CSMD2: variants seen among roughly 807,000 people sequenced by gnomAD.
CSMD2 encodes CUB and Sushi multiple domains 2.
CSMD2 carries 130 observed loss-of-function variants against 398.5 expected under a neutral mutation model. The ratio of observed to expected loss-of-function variants is 0.33; its 90% CI spans 0.28 to 0.38. The LOEUF is 0.38. CSMD2 is among the 10% of genes least tolerant of loss of function. CSMD2 has a pLI of 1.00. For missense variants in CSMD2, 3,829 were observed against 4,764.9 expected (o/e 0.80, Z 5.78); for synonymous variants, 1,828 against 1,908.5 (o/e 0.96, Z 1.10).
chr1:33,959,354 A>T (rs1023085595), intron 3 of CSMD2, among the ~76,000 whole-genome samples: 28 of 152,176 alleles, frequency 1.8e-4, no homozygotes, highest in Admixed American at 5.2e-4. Flanking sequence ...CCAGACACAC[A>T]CAGATATTTA....
intron 7 of CSMD2, among the ~76,000 whole-genome samples, chr1:33,823,615 T>C (rs1267812348): frequency 6.6e-6 from 1 of 151,356 alleles, no homozygotes; most frequent in Admixed American, 6.6e-5. Context: ...TCAGAACTGA[T>C]GGCAAGGTAG....
At chr1:34,037,831 T>A (rs1335742233) in intron 2 of CSMD2, among the ~76,000 whole-genome samples, 1 of 152,240 alleles carries the variant, frequency 6.6e-6, no homozygotes, top group Non-Finnish European at 1.5e-5. Flanking sequence ...TGCACTGCCA[T>A]TAAAGATTCC....
chr1:33,986,309 G>C (rs565518829), intron 3 of CSMD2, among the ~76,000 whole-genome samples: 1 of 152,300 alleles, frequency 6.6e-6, no homozygotes, highest in Non-Finnish European at 1.5e-5. Context: ...GCTGCTGAAA[G>C]CTTGCCTTCT....
At chr1:34,135,484 G>A (rs1283229944) in intron 1 of CSMD2, among the ~76,000 whole-genome samples, 1 of 151,942 alleles carries the variant, frequency 6.6e-6, no homozygotes, top group East Asian at 1.9e-4. Context: ...CTGGTGTGGT[G>A]GCACTTGCCT....
chr1:33,604,413 G>A (rs771272197), intron 42 of CSMD2, among the ~76,000 whole-genome samples: 8 of 152,198 alleles, frequency 5.3e-5, no homozygotes, highest in Non-Finnish European at 8.8e-5. Flanking sequence ...TAAACTGAGA[G>A]TTTGAGTCTG....
chr1:33,557,770 C>G lies in CSMD2; in HGVS notation c.8707G>C (p.Asp2903His). 1.3e-6 allele frequency: 2 copies of G among 1,536,120 alleles called. No homozygotes were observed. Among genetic ancestry groups the G allele is most frequent in the Non-Finnish European group, 1.7e-6 (2 of 1,146,896 alleles). ...LGTPVLSCQG[D>H]GTWDRPRPQC... ...GGGCGGGGACGGTCCCATGTGCCAT[C>G]TCCCTGGCAGCTGAGCACTGGGGTG... is the stretch of plus-strand genomic sequence containing the variant. Residue 2903 changes from aspartate to histidine, a missense_variant, in exon 55 of 71, where the codon GAT (aspartate) becomes CAT (histidine). Transcript: ENST00000373381.
intron 55 of CSMD2, among the ~76,000 whole-genome samples, chr1:33,554,692 T>C (rs888898542): frequency 2.6e-5 from 4 of 152,324 alleles, no homozygotes; most frequent in African/African-American, 9.6e-5. Flanking sequence ...GCTTGTGCTC[T>C]ATAAATGGAA....
At position 34,163,854 on chromosome 1, in the gene CSMD2, C is replaced by G. The variant is rs1010697874; in HGVS notation, c.187+1057G>C. On this transcript the variant is annotated intron_variant, in intron 1 of 70. Coordinates refer to ENST00000373381, the MANE Select transcript of CSMD2 (RefSeq NM_001281956.2). This position sits in a 1 kb window ranked among gnomAD's most constrained non-coding sequence, Gnocchi z 5.4. ...GGAACTTTCTAGCTTGTAGCTAGAACTGAGCTTCGGAGGGGTGCTGTGGGT... is the reference window on the plus strand; with the variant it reads ...GGAACTTTCTAGCTTGTAGCTAGAAGTGAGCTTCGGAGGGGTGCTGTGGGT... Among the ~76,000 whole-genome samples the G allele has an allele frequency of 1.3e-5, 2 of 152,136 alleles. No individual in the cohort carries two copies. The highest frequency in any genetic ancestry group is 4.8e-5 in the African/African-American group (2 of 41,438).
intron 7 of CSMD2, among the ~76,000 whole-genome samples, chr1:33,825,143 C>A (rs1446670750): frequency 1.1e-5 from 1 of 93,890 alleles, no homozygotes; most frequent in African/African-American, 6.2e-5. Context: ...TCCCCATGCC[C>A]AAGAAGAGAG....
In CSMD2 at chr1:33,537,963, T is replaced by C. The variant is rs1340936202; in HGVS notation, c.9632-354A>G. The stretch of plus-strand genomic sequence containing the variant: ...CTTTGTTCAGTTGTATGGAAACTTG[T>C]GCGGAGCGGCAAACCCAAGCCTATG... On this transcript the variant is annotated intron_variant, in intron 60 of 70. Transcript: ENST00000373381. The surrounding 1 kb of genome is among the most constrained non-coding windows in gnomAD (Gnocchi z 4.6). Among the ~76,000 whole-genome samples the C allele has an allele frequency of 1.3e-5, 2 of 152,268 alleles. No homozygotes were observed. The highest frequency in any genetic ancestry group is 4.8e-5 in the African/African-American group (2 of 41,472).
At chr1:33,751,616 G>C (rs1648259864) in intron 13 of CSMD2, among the ~76,000 whole-genome samples, 1 of 152,052 alleles carries the variant, frequency 6.6e-6, no homozygotes, top group Non-Finnish European at 1.5e-5. Flanking sequence ...TGTGAAGAAA[G>C]ATACTTTTTA....
intron 19 of CSMD2, among the ~76,000 whole-genome samples, chr1:33,719,202 C>CA (rs774885626): frequency 3.9e-5 from 6 of 152,172 alleles, no homozygotes; most frequent in Non-Finnish European, 7.4e-5. Context: ...AACATGTCTG[C>CA]AAATGAGAAA....
chr1:34,014,023 G>A (rs568089722), intron 3 of CSMD2, among the ~76,000 whole-genome samples: 2 of 152,228 alleles, frequency 1.3e-5, no homozygotes, highest in South Asian at 4.2e-4. Flanking sequence ...CATACTGCCC[G>A]TTGATCCCCC....
chr1:33,651,929 G>A (rs1355219120), intron 28 of CSMD2, among the ~76,000 whole-genome samples: 2 of 151,988 alleles, frequency 1.3e-5, no homozygotes, highest in African/African-American at 4.8e-5. Context: ...TAGATTGGGG[G>A]GGGTGCCTGG....
chr1:33,932,998 A>G (rs1409491512), intron 4 of CSMD2, among the ~76,000 whole-genome samples: 1 of 152,212 alleles, frequency 6.6e-6, no homozygotes, highest in African/African-American at 2.4e-5. Context: ...CTGCCAAGAC[A>G]GAAGCCAGGG....
chr1:33,608,691 T>A (rs1479483481), intron 41 of CSMD2, among the ~76,000 whole-genome samples: 2 of 151,924 alleles, frequency 1.3e-5, no homozygotes, highest in African/African-American at 4.8e-5. Flanking sequence ...GAGGTCGGGG[T>A]GATACTTCTA....
chr1:33,743,731 T>G, intron 13 of CSMD2, 125 bp from the exon 14 acceptor site: 1 of 710,572 alleles, frequency 1.4e-6, no homozygotes, highest in South Asian at 2.0e-5. Context: ...GCACAAGGGT[T>G]GGGCTGGACT....
chr1:33,593,418 C>T (rs1227790296), intron 44 of CSMD2, among the ~76,000 whole-genome samples: 1 of 152,226 alleles, frequency 6.6e-6, no homozygotes, highest in Non-Finnish European at 1.5e-5. Flanking sequence ...GTTTATTGGA[C>T]TTACAATTCC....
At position 33,684,966 on chromosome 1, in the gene CSMD2, G is replaced by C. The variant is rs908861324; in HGVS notation, c.4052+7964C>G. Among the ~76,000 whole-genome samples the C allele has an allele frequency of 8.5e-5, 13 of 152,164 alleles. No individual in the cohort carries two copies. In the East Asian group the frequency reaches 1.9e-3, roughly 23 times the overall value. On this transcript the variant is annotated intron_variant, in intron 25 of 70. Transcript: ENST00000373381. ...CCAAACCTCTCATCTCTCTACTATT[G>C]AGGCTCTAAAAGCAAAGCAAAATTG...
Sources: gnomAD v4.1 joint callset for allele counts (sites outside exome capture counted in the v4.1 genomes callset) on GRCh38, gnomAD v4.1.1 for gene constraint, Gnocchi (gnomAD v3.1) non-coding constraint, MANE v1.5 for transcripts, NCBI Gene and HGNC (gene_info 2026-07-23, HGNC 2026-07-21) for gene names.